The following BNC2 variants were observed in gnomAD, a reference collection of about 807,000 sequenced individuals.
BNC2 encodes zinc finger protein basonuclin-2.
A neutral mutation model predicts 76.3 loss-of-function variants in BNC2; 20 were observed. The observed-to-expected ratio is 0.26, with a 90% CI of 0.18 to 0.38. The LOEUF (loss-of-function observed/expected upper bound fraction) is 0.38. BNC2 is among the 10% of genes least tolerant of loss of function. BNC2 has a pLI of 1.00. For missense variants in BNC2, 1,382 were observed against 1,399.8 expected (o/e 0.99, Z 0.20); for synonymous variants, 582 against 514.8 (o/e 1.13, Z -1.77).
At chr9:16,469,414 T>C (rs1034750654) in intron 5 of BNC2, among the ~76,000 whole-genome samples, 2 of 152,220 alleles carry the variant, frequency 1.3e-5, no homozygotes, top group Admixed American at 6.5e-5. Context: ...TGCTTTTGCT[T>C]CTTCCTCATT....
intron 1 of BNC2, among the ~76,000 whole-genome samples, chr9:16,831,041 G>GT (rs1818566808): frequency 1.3e-5 from 2 of 152,250 alleles, no homozygotes; most frequent in African/African-American, 4.8e-5. Context: ...TTATTTCCTC[G>GT]TAACAGAAAC....
chr9:16,412,689 G>A lies in BNC2; in HGVS notation c.*6300C>T, dbSNP rs375875977. On this transcript the variant is annotated 3_prime_UTR_variant, in exon 7 of 7. Coordinates refer to ENST00000380672, the MANE Select transcript of BNC2 (RefSeq NM_017637.6). ...GTGTGTATGTGCTTGTATGTTAGGA[G>A]GGGAGAATAAGAGGGAAGGAGAGAG... 13 of 150,612 alleles carry A rather than the reference G, an allele frequency of 8.6e-5. No homozygotes were observed. Among genetic ancestry groups the A allele is most frequent in the African/African-American group, 2.4e-4 (10 of 40,998 alleles). 9.3% of individuals were successfully genotyped at this position (150,612 alleles called of 1,614,324 possible).
intron 3 of BNC2, among the ~76,000 whole-genome samples, chr9:16,722,229 T>G (rs898965920): frequency 2.0e-5 from 3 of 152,190 alleles, no homozygotes; most frequent in Admixed American, 6.5e-5. Context: ...CTGGAGTCCT[T>G]GCAATCCTGC....
At chr9:16,478,854 G>A (rs115453846) in intron 5 of BNC2, among the ~76,000 whole-genome samples, 169 of 152,242 alleles carry the variant, frequency 1.1e-3, no homozygotes, top group African/African-American at 3.9e-3. Flanking sequence ...AGCTCTTCCC[G>A]CTCGGACTAA....
At chr9:16,788,466 TG>T (rs1350917617) in intron 1 of BNC2, among the ~76,000 whole-genome samples, 4 of 147,954 alleles carry the variant, frequency 2.7e-5, no homozygotes, top group Admixed American at 1.4e-4. Flanking sequence ...GGCAGGAGAA[TG>T]GCGTGAACCC....
At chr9:16,449,585 T>C (rs772783396) in intron 5 of BNC2, among the ~76,000 whole-genome samples, 1 of 152,208 alleles carries the variant, frequency 6.6e-6, no homozygotes, top group Non-Finnish European at 1.5e-5. Flanking sequence ...TTATCTGCCA[T>C]TGCCTTGTAA....
intron 5 of BNC2, among the ~76,000 whole-genome samples, chr9:16,542,744 C>G (rs7028862): frequency 6.6e-6 from 1 of 152,174 alleles, no homozygotes; most frequent in Non-Finnish European, 1.5e-5. Flanking sequence ...TTTTACACTT[C>G]CGTCAGCATT....
At chr9:16,743,679 C>G (rs980375222) in intron 1 of BNC2, among the ~76,000 whole-genome samples, 1 of 152,172 alleles carries the variant, frequency 6.6e-6, no homozygotes, top group Admixed American at 6.5e-5. Context: ...CTTCAGGAGC[C>G]AGAGGCTGAG....
chr9:16,425,428 A>G (rs929756814), intron 6 of BNC2, among the ~76,000 whole-genome samples: 2 of 152,126 alleles, frequency 1.3e-5, no homozygotes, highest in African/African-American at 2.4e-5. Flanking sequence ...TATGGCCCCT[A>G]ATGTGGCAGG....
At position 16,415,702 on chromosome 9, in the gene BNC2, A is replaced by G. The variant is rs1233890713; in HGVS notation, c.*3287T>C. 2 of 152,222 alleles carry G rather than the reference A, an allele frequency of 1.3e-5. No homozygotes were observed. The highest frequency in any genetic ancestry group is 2.4e-5 in the African/African-American group (1 of 41,462). 9.4% of individuals were successfully genotyped at this position (152,222 alleles called of 1,614,324 possible). On this transcript the variant is annotated 3_prime_UTR_variant, in exon 7 of 7. Coordinates refer to ENST00000380672, the MANE Select transcript of BNC2 (RefSeq NM_017637.6). ...CAAGACACTCAGGCACACACTCAAGAACGAGCAATACTTTGGAAACAGAAG... is the reference window on the plus strand; with the variant it reads ...CAAGACACTCAGGCACACACTCAAGGACGAGCAATACTTTGGAAACAGAAG...
chr9:16,620,518 C>G (rs1238660456), intron 3 of BNC2, among the ~76,000 whole-genome samples: 1 of 152,056 alleles, frequency 6.6e-6, no homozygotes, highest in Non-Finnish European at 1.5e-5. Flanking sequence ...TTCAGACAAC[C>G]CAAATGATGA....
At chr9:16,481,645 G>A (rs1371682517) in intron 5 of BNC2, among the ~76,000 whole-genome samples, 1 of 152,170 alleles carries the variant, frequency 6.6e-6, no homozygotes, top group Non-Finnish European at 1.5e-5. Context: ...TGCTAACTTA[G>A]GAACTGGTTA....
At chr9:16,698,620 G>A (rs1224327836) in intron 3 of BNC2, among the ~76,000 whole-genome samples, 1 of 152,092 alleles carries the variant, frequency 6.6e-6, no homozygotes, top group Non-Finnish European at 1.5e-5. Flanking sequence ...TTGAACCCGG[G>A]GAAACAGAGG....
intron 5 of BNC2, among the ~76,000 whole-genome samples, chr9:16,478,348 C>A (rs1296304402): frequency 6.6e-6 from 1 of 152,174 alleles, no homozygotes; most frequent in African/African-American, 2.4e-5. Context: ...TTGCTCAATG[C>A]TCCTCATACA....
At chr9:16,857,907 T>G (rs973352167) in intron 1 of BNC2, among the ~76,000 whole-genome samples, 4 of 152,262 alleles carry the variant, frequency 2.6e-5, no homozygotes, top group African/African-American at 9.6e-5. Flanking sequence ...TATAGCTGCC[T>G]CTAAATTAAG....
At chr9:16,697,156 C>G (rs187995759) in intron 3 of BNC2, among the ~76,000 whole-genome samples, 2 of 149,938 alleles carry the variant, frequency 1.3e-5, no homozygotes, top group East Asian at 4.1e-4. Flanking sequence ...GTCAGGATTT[C>G]GAGACCAGCC....
chr9:16,821,761 C>A (rs1004752068), intron 1 of BNC2, among the ~76,000 whole-genome samples: 8 of 152,090 alleles, frequency 5.3e-5, no homozygotes, highest in African/African-American at 1.9e-4. Flanking sequence ...CCAGCTGGGC[C>A]AACATGGTGA....
chr9:16,667,674 A>G (rs778677007), intron 3 of BNC2, among the ~76,000 whole-genome samples: 2 of 152,208 alleles, frequency 1.3e-5, no homozygotes, highest in Admixed American at 6.5e-5. Context: ...ATGTTTTGAA[A>G]CCAAAACATT....
chr9:16,476,523 T>C (rs1164362647), intron 5 of BNC2, among the ~76,000 whole-genome samples: 1 of 151,660 alleles, frequency 6.6e-6, no homozygotes, highest in East Asian at 1.9e-4. Context: ...CCAGAAGTAC[T>C]CTAGATAACT....
Sources: allele counts gnomAD v4.1 joint callset (sites outside exome capture counted in the v4.1 genomes callset), GRCh38; gene constraint gnomAD v4.1.1; transcripts MANE v1.5; gene names NCBI Gene and HGNC (gene_info 2026-07-23, HGNC 2026-07-21).